NR2F1-AS1: variants seen among roughly 807,000 people sequenced by gnomAD.
NR2F1-AS1 encodes NR2F1 antisense RNA 1.
chr5:93,439,699 T>G (rs1194324535), intron 4 of NR2F1-AS1, among the ~76,000 whole-genome samples: 2 of 152,226 alleles, frequency 1.3e-5, no homozygotes, highest in African/African-American at 4.8e-5. Context: ...TCATCTCTCA[T>G]CCATGATGTT....
At chr5:93,496,339 A>T (rs1750960038) in intron 4 of NR2F1-AS1, among the ~76,000 whole-genome samples, 1 of 152,044 alleles carries the variant, frequency 6.6e-6, no homozygotes, top group Non-Finnish European at 1.5e-5. Flanking sequence ...CATCCTATAA[A>T]CTCTAGAGTC....
At chr5:93,508,646 C>T (rs1751234745) in intron 4 of NR2F1-AS1, among the ~76,000 whole-genome samples, 1 of 151,672 alleles carries the variant, frequency 6.6e-6, no homozygotes, top group Non-Finnish European at 1.5e-5. Context: ...TAAATAGATA[C>T]ATCACAAAGT....
chr5:93,519,648 T>C (rs536434865), intron 4 of NR2F1-AS1, among the ~76,000 whole-genome samples: 230 of 152,176 alleles, frequency 1.5e-3, no homozygotes, highest in Admixed American at 4.3e-3. Context: ...ACAATGCTTC[T>C]ATTTAGACAT....
intron 4 of NR2F1-AS1, among the ~76,000 whole-genome samples, chr5:93,510,646 T>C (rs141805290): frequency 9.1e-4 from 139 of 152,280 alleles, no homozygotes; most frequent in African/African-American, 3.0e-3. Context: ...AGAAAACTGA[T>C]TCTCTATATA....
intron 4 of NR2F1-AS1, among the ~76,000 whole-genome samples, chr5:93,551,710 A>T (rs867304861): frequency 6.6e-6 from 1 of 152,146 alleles, no homozygotes; most frequent in Non-Finnish European, 1.5e-5. Context: ...ATAAGACAAG[A>T]TCTCCTTAGG....
upstream of NR2F1-AS1, chr5:93,583,872 G>C (rs1753173650): frequency 6.6e-6 from 1 of 152,412 alleles, no homozygotes; most frequent in African/African-American, 2.4e-5. Flanking sequence ...TTCGTCGCCG[G>C]CGTGAATTAT....
chr5:93,446,783 C>A (rs1021464512), intron 4 of NR2F1-AS1, among the ~76,000 whole-genome samples: 1 of 152,072 alleles, frequency 6.6e-6, no homozygotes, highest in South Asian at 2.1e-4. Flanking sequence ...GGAGACATCA[C>A]GCTACCTGAC....
intron 4 of NR2F1-AS1, among the ~76,000 whole-genome samples, chr5:93,446,387 A>G (rs1749707413): frequency 6.6e-6 from 1 of 152,224 alleles, no homozygotes; most frequent in Admixed American, 6.5e-5. Context: ...AAAAATCACA[A>G]GCATTCCTAT....
At chr5:93,479,970 A>C (rs1455269939) in intron 4 of NR2F1-AS1, among the ~76,000 whole-genome samples, 1 of 152,162 alleles carries the variant, frequency 6.6e-6, no homozygotes, top group Non-Finnish European at 1.5e-5. Context: ...GAACAATTAT[A>C]CTTACCCAGT....
chr5:93,435,591 T>C (rs1334115782), intron 4 of NR2F1-AS1, among the ~76,000 whole-genome samples: 1 of 152,348 alleles, frequency 6.6e-6, no homozygotes, highest in East Asian at 1.9e-4. Flanking sequence ...TCCTGCAAAC[T>C]ACTGGGTATG....
chr5:93,447,703 G>A (rs1339200117), intron 4 of NR2F1-AS1, among the ~76,000 whole-genome samples: 1 of 152,134 alleles, frequency 6.6e-6, no homozygotes, highest in Non-Finnish European at 1.5e-5. Flanking sequence ...TCCCATTAAT[G>A]GGTATATACC....
At chr5:93,502,529 T>C (rs1000986207) in intron 4 of NR2F1-AS1, among the ~76,000 whole-genome samples, 1 of 152,172 alleles carries the variant, frequency 6.6e-6, no homozygotes, top group Non-Finnish European at 1.5e-5. Context: ...ACAGGATATG[T>C]GGTTTGGGGC....
chr5:93,529,792 T>C (rs935742026), intron 4 of NR2F1-AS1, among the ~76,000 whole-genome samples: 3 of 152,148 alleles, frequency 2.0e-5, no homozygotes, highest in African/African-American at 7.2e-5. Flanking sequence ...TCTGTAACTA[T>C]TTTGTACAAT....
intron 4 of NR2F1-AS1, among the ~76,000 whole-genome samples, chr5:93,530,936 A>G (rs893078290): frequency 2.0e-5 from 3 of 152,178 alleles, no homozygotes; most frequent in African/African-American, 7.2e-5. Flanking sequence ...ATGTTTTTCA[A>G]ATTTGTCTTT....
At chr5:93,558,695 GT>G (rs1424430305) in intron 2 of NR2F1-AS1, among the ~76,000 whole-genome samples, 1 of 152,206 alleles carries the variant, frequency 6.6e-6, no homozygotes, top group Non-Finnish European at 1.5e-5. Flanking sequence ...TAGAACAGAT[GT>G]TGTATTAGCA....
At chr5:93,457,786 G>A (rs556257042) in intron 4 of NR2F1-AS1, among the ~76,000 whole-genome samples, 1 of 151,274 alleles carries the variant, frequency 6.6e-6, no homozygotes, top group South Asian at 2.1e-4. Flanking sequence ...CTTTAATTGT[G>A]CCCAAGTCGG....
chr5:93,450,914 CAAAAAAAAAAA>C (rs60895927), intron 4 of NR2F1-AS1, among the ~76,000 whole-genome samples: 1 of 54,048 alleles, frequency 1.9e-5, no homozygotes, highest in African/African-American at 5.3e-5. Context: ...GAATCTGCTT[CAAAAAAAAAAA>C]AAAAAAAAAA....
chr5:93,497,982 C>A (rs1291945364), intron 4 of NR2F1-AS1, among the ~76,000 whole-genome samples: 1 of 152,082 alleles, frequency 6.6e-6, no homozygotes, highest in Non-Finnish European at 1.5e-5. Flanking sequence ...TCTCCATGCT[C>A]TTTTATAAAA....
At chr5:93,509,298 A>G (rs905400902) in intron 4 of NR2F1-AS1, among the ~76,000 whole-genome samples, 1 of 152,166 alleles carries the variant, frequency 6.6e-6, no homozygotes. Context: ...ACTCTCTGCA[A>G]TAATGAAAAT....
Sources: allele counts gnomAD v4.1 joint callset (sites outside exome capture counted in the v4.1 genomes callset), GRCh38; gene constraint gnomAD v4.1.1; transcripts MANE v1.5; gene names NCBI Gene and HGNC (gene_info 2026-07-23, HGNC 2026-07-21).